POLD1: variants seen among roughly 807,000 people sequenced by gnomAD.
POLD1 encodes DNA polymerase delta catalytic subunit.
Under a neutral mutation model 129.7 loss-of-function variants are expected in POLD1, and 79 were observed. The ratio of observed to expected loss-of-function variants is 0.61; its 90% CI spans 0.51 to 0.73. The LOEUF (loss-of-function observed/expected upper bound fraction) is 0.73, where lower values mean the gene tolerates loss of function less well. POLD1 is among the 30% of genes least tolerant of loss of function. The pLI, the probability that POLD1 is intolerant of heterozygous loss-of-function variation, is 0.00. For missense variants in POLD1, 1,338 were observed against 1,595.8 expected (o/e 0.84, Z 2.75); for synonymous variants, 714 against 683.3 (o/e 1.04, Z -0.70).
rs372942171 is a variant in POLD1, at chr19:50,409,251, C to G, written c.2006+16C>G. ...CCCGGAAGAGGTGAGCCCTGGAGAT[C>G]GCCTGCTTGGAGCTCAGACCTGTTG... On this transcript the variant is annotated intron_variant, in intron 16 of 26. Transcript: ENST00000440232. This position sits in a 1 kb window ranked among gnomAD's most constrained non-coding sequence, Gnocchi z 5.8. The G allele has an allele frequency of 1.9e-6, 3 of 1,554,672 alleles. No individual in the cohort carries two copies. Among genetic ancestry groups the G allele is most frequent in the Admixed American group, 3.3e-5 (2 of 59,750 alleles).
chr19:50,400,378 G>T (rs921669712), intron 3 of POLD1, among the ~76,000 whole-genome samples: 5 of 148,062 alleles, frequency 3.4e-5, no homozygotes, highest in African/African-American at 1.2e-4. Flanking sequence ...CCGCCATCAC[G>T]CCCGGCTAAT....
intron 24 of POLD1, 139 bp downstream of exon 24, chr19:50,416,862 C>T: frequency 3.2e-6 from 3 of 932,860 alleles, no homozygotes; most frequent in Non-Finnish European, 3.1e-6. Context: ...CCTGTCTCCA[C>T]CCCCCACAGA....
At chr19:50,404,840 C>T (rs778991046) in intron 10 of POLD1, among the ~76,000 whole-genome samples, 22 of 144,608 alleles carry the variant, frequency 1.5e-4, no homozygotes, top group African/African-American at 5.8e-4. Flanking sequence ...CCACAACCTC[C>T]GCCTCCCAGG....
In POLD1 at chr19:50,399,466, G is replaced by A. The variant is rs1321174766; in HGVS notation, c.298G>A (p.Glu100Lys). Residue 100 changes from glutamate (E) to lysine (K), a missense_variant, in exon 3 of 27, where the codon GAG becomes AAG. By Grantham distance (56) the Glu-to-Lys change is moderately conservative (BLOSUM62 1). This residue lies in a region of POLD1 where 332 missense variants were observed against 315.7 expected (regional missense o/e 1.05). Transcript: ENST00000440232. ...AGAGCCCCTCATCTTCCAACAGTTGGAGATTGACCATTATGTGGGTGAGTT... is the reference window on the plus strand; with the variant it reads ...AGAGCCCCTCATCTTCCAACAGTTGAAGATTGACCATTATGTGGGTGAGTT... Reference protein sequence around the residue: ...QTEPLIFQQLEIDHYVGPAQP... With the variant: ...QTEPLIFQQLKIDHYVGPAQP... 6.2e-7 allele frequency: 1 copy of A among 1,613,078 alleles called. No homozygotes were observed. The highest frequency in any genetic ancestry group is 8.5e-7 in the Non-Finnish European group (1 of 1,179,010).
At chr19:50,412,624 T>A (rs1551553) in intron 17 of POLD1, among the ~76,000 whole-genome samples, 10,137 of 152,176 alleles carry the variant, frequency 0.067, 1,108 homozygotes, top group African/African-American at 0.22. Context: ...AATGCTCTAG[T>A]TAGACAGATT....
In POLD1 at chr19:50,403,547, A is replaced by G; in HGVS notation, c.1192A>G (p.Ile398Val). ...CCCCGACGTGATCACCGGTTACAAC[A>G]TCCAGAACTTCGACCTTCCGTACCT... Reference protein sequence around the residue: ...MDPDVITGYNIQNFDLPYLIS... With the variant: ...MDPDVITGYNVQNFDLPYLIS... The change falls in exon 10 of 27, where the codon ATC (isoleucine) becomes GTC (valine). Residue 398 changes from isoleucine to valine, a missense_variant. This residue lies in a region of POLD1 where 720 missense variants were observed against 1,002.6 expected (regional missense o/e 0.72). Coordinates refer to ENST00000440232, the MANE Select transcript of POLD1 (RefSeq NM_002691.4). 1 of 1,614,010 alleles carries G rather than the reference A, an allele frequency of 6.2e-7. No individual in the cohort carries two copies.
intron 17 of POLD1, 129 bp from the exon 18 acceptor site, chr19:50,413,296 AG>A (rs55738553): frequency 1.4e-6 from 1 of 702,588 alleles, no homozygotes; most frequent in Non-Finnish European, 2.4e-6. Flanking sequence ...GAGGCCCAGG[AG>A]GGGCAGAGTG....
intron 3 of POLD1, 23 bp from the exon 4 acceptor site, chr19:50,401,755 T>A (rs1203317665): frequency 1.2e-6 from 2 of 1,610,232 alleles, no homozygotes; most frequent in Non-Finnish European, 8.5e-7. Context: ...GCATGGCCGC[T>A]GTCTTACCCT....
At chr19:50,410,648 T>C (rs1568632516) in intron 17 of POLD1, among the ~76,000 whole-genome samples, 1 of 152,210 alleles carries the variant, frequency 6.6e-6, no homozygotes, top group Non-Finnish European at 1.5e-5. Flanking sequence ...ACCAGGCGTG[T>C]CTTCCAGTTG....
At chr19:50,412,571 A>G (rs1053001343) in intron 17 of POLD1, among the ~76,000 whole-genome samples, 1 of 152,228 alleles carries the variant, frequency 6.6e-6, no homozygotes, top group Admixed American at 6.5e-5. Flanking sequence ...TGGTAGACGT[A>G]AGCCCAGCTA....
Position 50,408,892 on chromosome 19 carries a change from A to G in POLD1, c.1883A>G (p.Gln628Arg), listed in dbSNP as rs1436409342. 3 of 1,610,834 alleles carry G rather than the reference A, an allele frequency of 1.9e-6. No individual in the cohort carries two copies. The highest frequency in any genetic ancestry group is 2.7e-5 in the African/African-American group (2 of 74,858). Residue 628 changes from glutamine (Q) to arginine (R), a missense_variant, in exon 15 of 27, where the codon CAG becomes CGG. By Grantham distance (43) the Gln-to-Arg change is conservative (BLOSUM62 1). This residue lies in a region of POLD1 where 720 missense variants were observed against 1,002.6 expected (regional missense o/e 0.72). Transcript: ENST00000440232. ...YTTLLRPGTA[Q>R]KLGLTEDQFI... ...ACGCTCCTTCGGCCCGGGACTGCACAGAAACTGGGGTATAGTGCCCAATTC... is the reference window on the plus strand; with the variant it reads ...ACGCTCCTTCGGCCCGGGACTGCACGGAAACTGGGGTATAGTGCCCAATTC...
intron 1 of POLD1, chr19:50,387,677 G>A (rs996493043): frequency 2.0e-5 from 3 of 152,674 alleles, no homozygotes; most frequent in Non-Finnish European, 4.4e-5. Flanking sequence ...ACTGACTCTG[G>A]GCTCCCACAA....
intron 22 of POLD1, 120 bp downstream of exon 22, chr19:50,415,946 G>A (rs1476180932): frequency 8.5e-6 from 6 of 703,286 alleles, no homozygotes; most frequent in East Asian, 5.5e-5. Flanking sequence ...CCTGAGAACC[G>A]CCCCCCATGG....
In POLD1 at chr19:50,415,524, C is replaced by T; in HGVS notation, c.2651C>T (p.Thr884Ile). The change falls in exon 21 of 27, where the codon ACC (threonine) becomes ATC (isoleucine). Residue 884 changes from threonine (T) to isoleucine (I), a missense_variant. This residue lies in a region of POLD1 where 720 missense variants were observed against 1,002.6 expected (regional missense o/e 0.72). Transcript: ENST00000440232. ...ATCGATATCTCCCAGCTGGTCATCA[C>T]CAAGGAGCTGACCCGCGCGGCCTCC... is the stretch of plus-strand genomic sequence containing the variant. ...NRIDISQLVI[T>I]KELTRAASDY... 1 of 1,613,422 alleles carries T rather than the reference C, an allele frequency of 6.2e-7. No individual in the cohort carries two copies.
chr19:50,406,650 C>T lies in POLD1; in HGVS notation c.1494+133C>T. ...CCTGCTGTTATGACCTGTGACCTTA[C>T]CTGACGCCCACTTTTTCCTGACCTC... is the stretch of plus-strand genomic sequence containing the variant. On this transcript the variant is annotated intron_variant, in intron 12 of 26. Coordinates refer to ENST00000440232, the MANE Select transcript of POLD1 (RefSeq NM_002691.4). This position sits in a 1 kb window ranked among gnomAD's most constrained non-coding sequence, Gnocchi z 5.5. The T allele has an allele frequency of 2.9e-6, 2 of 699,178 alleles. No homozygotes were observed. Among genetic ancestry groups the T allele is most frequent in the Non-Finnish European group, 5.0e-6 (2 of 401,812 alleles). 43.3% of individuals were successfully genotyped at this position (699,178 alleles called of 1,614,324 possible). A position where few individuals can be genotyped will look rare whatever the true frequency, so the allele number is the denominator to read the frequency against.
At position 50,414,991 on chromosome 19, in the gene POLD1, G is replaced by T; in HGVS notation, c.2564+1G>T. On this transcript the variant is annotated splice_donor_variant, in intron 20 of 26. Transcript: ENST00000440232. LOFTEE classifies it high-confidence loss of function. ...CACTGCGCCGCCTGCTCATCGACCG[G>T]TGTGTGGGGCCTCCTCCCTCAGACT... is the stretch of plus-strand genomic sequence containing the variant. The T allele has an allele frequency of 6.4e-7, 1 of 1,567,750 alleles. No individual in the cohort carries two copies.
chr19:50,398,877 C>G lies in POLD1; in HGVS notation c.26C>G (p.Pro9Arg). The G allele has an allele frequency of 6.2e-7, 1 of 1,608,142 alleles. No homozygotes were observed. The highest frequency in any genetic ancestry group is 8.5e-7 in the Non-Finnish European group (1 of 1,178,686). ...ATGGATGGCAAGCGGCGGCCAGGCC[C>G]AGGGCCCGGGGTGCCCCCAAAGCGG... MDGKRRPG[P>R]GPGVPPKRAR... is the part of the protein sequence containing the mutation. Residue 9 changes from proline to arginine, a missense_variant, in exon 2 of 27, where the codon CCA becomes CGA. Coordinates refer to ENST00000440232, the MANE Select transcript of POLD1 (RefSeq NM_002691.4).
rs1430138817 is a variant in POLD1, at chr19:50,417,073, G to A, written c.3096G>A (p.Arg1032=). The A allele has an allele frequency of 6.4e-7, 1 of 1,554,446 alleles. No individual in the cohort carries two copies. The highest frequency in any genetic ancestry group is 8.7e-7 in the Non-Finnish European group (1 of 1,148,610). ...CCGTGTGTGAGTTCTGCCAGCCCCG[G>A]GAGTCTGAGCTGTATCAGAAGGAGG... ...QGAVCEFCQP[R]ESELYQKEVS... is the part of the protein sequence containing the mutation. Residue 1032 remains arginine, a synonymous_variant, in exon 25 of 27, where the codon CGG becomes CGA. Coordinates refer to ENST00000440232, the MANE Select transcript of POLD1 (RefSeq NM_002691.4).
intron 10 of POLD1, 133 bp downstream of exon 10, chr19:50,403,730 G>C: frequency 1.4e-6 from 1 of 693,228 alleles, no homozygotes; most frequent in Admixed American, 2.3e-5. Context: ...ATTGCCTGCA[G>C]GGGCAGCCTA....
Sources: allele counts gnomAD v4.1 joint callset (sites outside exome capture counted in the v4.1 genomes callset), GRCh38; gene constraint gnomAD v4.1.1; regional missense constraint gnomAD v4.1.1; non-coding constraint Gnocchi (gnomAD v3.1); transcripts MANE v1.5; gene names NCBI Gene and HGNC (gene_info 2026-07-23, HGNC 2026-07-21).